The following HSD17B6 variants were observed in gnomAD, a reference collection of about 807,000 sequenced individuals.
HSD17B6 encodes the protein hydroxysteroid 17-beta dehydrogenase 6.
HSD17B6 carries 16 observed loss-of-function variants against 26.4 expected under a neutral mutation model. That is an observed-to-expected ratio of 0.61 (90% CI 0.41 to 0.92). The LOEUF is 0.92. Ranked by LOEUF, HSD17B6 falls within the 40% of genes least tolerant of loss-of-function variation. The pLI, the probability that HSD17B6 is intolerant of heterozygous loss-of-function variation, is 0.00. For missense variants in HSD17B6, 357 were observed against 386.1 expected (o/e 0.92, Z 0.63); for synonymous variants, 139 against 153.0 (o/e 0.91, Z 0.68).
At chr12:56,771,448 A>ATTTTTTTT (rs35374137) in intron 1 of HSD17B6, among the ~76,000 whole-genome samples, 4 of 93,328 alleles carry the variant, frequency 4.3e-5, no homozygotes, top group Admixed American at 1.3e-4. Context: ...AAGGGTTGCA[A>ATTTTTTTT]TTTTTTTTTT....
chr12:56,783,278 A>C (rs1592374340), intron 3 of HSD17B6, among the ~76,000 whole-genome samples: 2 of 118,680 alleles, frequency 1.7e-5, no homozygotes, highest in Non-Finnish European at 3.6e-5. Flanking sequence ...TGACCCCCCC[A>C]CCTCCCTCCC....
chr12:56,772,360 T>C (rs941457545), intron 1 of HSD17B6, among the ~76,000 whole-genome samples: 1 of 152,180 alleles, frequency 6.6e-6, no homozygotes, highest in Non-Finnish European at 1.5e-5. Context: ...GTTGAATTAA[T>C]GTTTGCTGAA....
chr12:56,773,717 T>C, intron 1 of HSD17B6, 117 bp from the exon 2 acceptor site: 1 of 978,832 alleles, frequency 1.0e-6, no homozygotes, highest in Non-Finnish European at 1.4e-6. Context: ...TAGGACTAAG[T>C]ATTAATCAAT....
intron 2 of HSD17B6, among the ~76,000 whole-genome samples, chr12:56,780,971 C>T (rs1446996816): frequency 1.3e-5 from 2 of 152,032 alleles, no homozygotes; most frequent in African/African-American, 4.8e-5. Context: ...ATAAATGACC[C>T]TGTCTCCTTT....
intron 2 of HSD17B6, among the ~76,000 whole-genome samples, chr12:56,776,209 A>T (rs1265835894): frequency 4.6e-5 from 7 of 152,024 alleles, no homozygotes; most frequent in Non-Finnish European, 7.4e-5. Context: ...TACAGGCGTG[A>T]GCCATCGCGC....
At chr12:56,780,761 A>ATGGGG (rs1490125436) in intron 2 of HSD17B6, among the ~76,000 whole-genome samples, 1 of 146,112 alleles carries the variant, frequency 6.8e-6, no homozygotes, top group African/African-American at 2.5e-5. Flanking sequence ...AGGCAGGAGA[A>ATGGGG]TGGGGTGAAC....
At chr12:56,768,325 G>A (rs1163417362) in intron 1 of HSD17B6, among the ~76,000 whole-genome samples, 4 of 152,110 alleles carry the variant, frequency 2.6e-5, no homozygotes, top group Non-Finnish European at 5.9e-5. Flanking sequence ...GGAATGGAAG[G>A]TGAAGTGCAA....
intron 3 of HSD17B6, among the ~76,000 whole-genome samples, chr12:56,783,594 A>AAC (rs1257105976): frequency 9.2e-6 from 1 of 108,136 alleles, no homozygotes; most frequent in East Asian, 3.2e-4. Flanking sequence ...GCGGGGGCTG[A>AAC]CCCCCCCACC....
At chr12:56,783,363 G>A (rs1954776046) in intron 3 of HSD17B6, among the ~76,000 whole-genome samples, 2 of 137,960 alleles carry the variant, frequency 1.4e-5, no homozygotes, top group South Asian at 2.3e-4. Flanking sequence ...CCGGGCAGGG[G>A]GCTGAGCCCC....
At chr12:56,776,800 A>T (rs2137914174) in intron 2 of HSD17B6, among the ~76,000 whole-genome samples, 1 of 152,202 alleles carries the variant, frequency 6.6e-6, no homozygotes, top group Non-Finnish European at 1.5e-5. Flanking sequence ...TACAGGTATG[A>T]GCTACTGCGT....
chr12:56,776,243 A>C (rs1473364140), intron 2 of HSD17B6, among the ~76,000 whole-genome samples: 2 of 151,098 alleles, frequency 1.3e-5, no homozygotes, highest in Non-Finnish European at 2.9e-5. Flanking sequence ...TGTTATATGT[A>C]GTCTTTTAGA....
chr12:56,785,160 C>T, intron 4 of HSD17B6, 144 bp downstream of exon 4: 1 of 840,566 alleles, frequency 1.2e-6, no homozygotes, highest in East Asian at 2.8e-5. Context: ...GGGGAGTCCT[C>T]AGGAAACTTA....
At chr12:56,770,926 T>C (rs1954457182) in intron 1 of HSD17B6, among the ~76,000 whole-genome samples, 1 of 152,166 alleles carries the variant, frequency 6.6e-6, no homozygotes, top group African/African-American at 2.4e-5. Context: ...GGTGCATTGC[T>C]CAGATCACTC....
intron 4 of HSD17B6, among the ~76,000 whole-genome samples, chr12:56,786,793 G>A (rs1044699443): frequency 6.6e-6 from 1 of 152,190 alleles, no homozygotes; most frequent in Non-Finnish European, 1.5e-5. Flanking sequence ...AGGTTGCAGT[G>A]AGCTGAGATT....
intron 2 of HSD17B6, 139 bp from the exon 3 acceptor site, chr12:56,781,835 T>C (rs1954720627): frequency 1.2e-6 from 1 of 861,150 alleles, no homozygotes. Context: ...ACTTGTATGT[T>C]ATATCATTTG....
At chr12:56,775,191 T>G (rs1483309871) in intron 2 of HSD17B6, among the ~76,000 whole-genome samples, 1 of 152,220 alleles carries the variant, frequency 6.6e-6, no homozygotes, top group African/African-American at 2.4e-5. Flanking sequence ...AAAAATAAGC[T>G]CAATAGATTT....
chr12:56,787,687 TA>T lies in HSD17B6; in HGVS notation c.*346del, dbSNP rs1322441452. The T allele has an allele frequency of 1.4e-5, 3 of 213,364 alleles. No homozygotes were observed. The highest frequency in any genetic ancestry group is 7.0e-5 in the African/African-American group (3 of 42,788). 13.2% of individuals were successfully genotyped at this position (213,364 alleles called of 1,614,324 possible). A position where few individuals can be genotyped will look rare whatever the true frequency, so the allele number is the denominator to read the frequency against. ...ATAATTGTTCTATGCTTTAATAATC[TA>T]TTGTGAGGAAACTACTAAGAAATAT... is the stretch of plus-strand genomic sequence containing the variant. On this transcript the variant is annotated 3_prime_UTR_variant, in exon 5 of 5. Transcript: ENST00000322165.
chr12:56,772,561 T>C (rs1472241727), intron 1 of HSD17B6, among the ~76,000 whole-genome samples: 2 of 151,808 alleles, frequency 1.3e-5, no homozygotes, highest in African/African-American at 4.8e-5. Flanking sequence ...CCCGGCTTGG[T>C]GGCACGTGCC....
chr12:56,771,754 G>A (rs1313790182), intron 1 of HSD17B6, among the ~76,000 whole-genome samples: 4 of 152,062 alleles, frequency 2.6e-5, no homozygotes, highest in Non-Finnish European at 5.9e-5. Context: ...CAGTGTGCCT[G>A]GCCTAGCTAT....
Sources: gnomAD v4.1 joint callset for allele counts (sites outside exome capture counted in the v4.1 genomes callset) on GRCh38, gnomAD v4.1.1 for gene constraint, MANE v1.5 for transcripts, NCBI Gene and HGNC (gene_info 2026-07-23, HGNC 2026-07-21) for gene names.